GARIN3: variants seen among roughly 807,000 people sequenced by gnomAD.
GARIN3 encodes Golgi-associated RAB2 interactor protein 3.
At chr5:157,162,587 T>C in the GARIN3 span, 1 of 1,614,204 alleles carries the variant, frequency 6.2e-7, no homozygotes, top group Non-Finnish European at 8.5e-7. Flanking sequence ...TTAGCCACGA[T>C]ATCTACCTCT....
At chr5:157,162,200 G>T in the GARIN3 span, 1 of 557,818 alleles carries the variant, frequency 1.8e-6, no homozygotes, top group Non-Finnish European at 3.1e-6. Context: ...TGGCTCTGCT[G>T]GCCGTGGGCG....
chr5:157,162,527 C>T, the GARIN3 span: 1 of 1,614,142 alleles, frequency 6.2e-7, no homozygotes, highest in Non-Finnish European at 8.5e-7. Context: ...AGCTCCTGGC[C>T]ACCCTGGGCT....
chr5:157,163,121 T>C, the GARIN3 span: 1 of 1,614,206 alleles, frequency 6.2e-7, no homozygotes, highest in Non-Finnish European at 8.5e-7. Context: ...CACTTGCTGG[T>C]CGTAATACTG....
chr5:157,162,739 G>C, the GARIN3 span: 1 of 1,614,144 alleles, frequency 6.2e-7, no homozygotes, highest in Non-Finnish European at 8.5e-7. Flanking sequence ...AGTTGTTCTC[G>C]ACTCCTTTTT....
the GARIN3 span, chr5:157,166,237 T>C: frequency 6.5e-7 from 1 of 1,548,202 alleles, no homozygotes; most frequent in Non-Finnish European, 8.7e-7. Context: ...GGAGAGAAGG[T>C]AACTGCCCAT....
chr5:157,163,478 C>T, the GARIN3 span: 1 of 1,614,234 alleles, frequency 6.2e-7, no homozygotes, highest in Non-Finnish European at 8.5e-7. Context: ...GCTGTCCTTG[C>T]TGCTCCTCCT....
chr5:157,166,144 A>G, the GARIN3 span: 2 of 1,611,982 alleles, frequency 1.2e-6, no homozygotes, highest in South Asian at 2.2e-5. Flanking sequence ...GCTGTGTAAT[A>G]AGGTAAACAA....
chr5:157,163,567 C>T, the GARIN3 span: 3 of 1,614,160 alleles, frequency 1.9e-6, no homozygotes, highest in Admixed American at 5.0e-5. Context: ...TCCCTCTCCC[C>T]CAGCATAAGC....
chr5:157,164,456 C>G, the GARIN3 span, among the ~76,000 whole-genome samples: 1 of 152,162 alleles, frequency 6.6e-6, no homozygotes, highest in African/African-American at 2.4e-5. Context: ...CCGGCCTAAG[C>G]CTAAGTCTTG....
chr5:157,162,571 A>C, the GARIN3 span: 1 of 1,614,044 alleles, frequency 6.2e-7, no homozygotes, highest in Non-Finnish European at 8.5e-7. Flanking sequence ...TTGCTTCTCC[A>C]CCATCTTAGC....
chr5:157,165,770 G>A, the GARIN3 span: 58 of 1,614,026 alleles, frequency 3.6e-5, no homozygotes, highest in African/African-American at 4.8e-4. Flanking sequence ...TCTCATGATC[G>A]TGGATGGAGA....
the GARIN3 span, chr5:157,163,400 T>C: frequency 6.2e-7 from 1 of 1,614,190 alleles, no homozygotes; most frequent in South Asian, 1.1e-5. Context: ...GCAGGACTCA[T>C]TGCTGCCCCT....
At chr5:157,163,163 G>A in the GARIN3 span, 1 of 1,614,146 alleles carries the variant, frequency 6.2e-7, no homozygotes, top group Non-Finnish European at 8.5e-7. Context: ...CTGCTGTCTT[G>A]GGAGAGACTG....
At chr5:157,165,802 G>A in the GARIN3 span, 6 of 1,614,046 alleles carry the variant, frequency 3.7e-6, no homozygotes, top group Non-Finnish European at 5.1e-6. Context: ...TTCAAGGGAA[G>A]CAGTCTCGTG....
the GARIN3 span, chr5:157,165,809 C>T: frequency 9.9e-6 from 16 of 1,614,046 alleles, no homozygotes; most frequent in East Asian, 4.5e-5. Context: ...GAAGCAGTCT[C>T]GTGAGCTCTA....
chr5:157,165,292 C>G, the GARIN3 span, among the ~76,000 whole-genome samples: 1 of 152,180 alleles, frequency 6.6e-6, no homozygotes, highest in Non-Finnish European at 1.5e-5. Flanking sequence ...GACTGACGAT[C>G]AGGATGGTGT....
the GARIN3 span, chr5:157,165,987 A>G: frequency 4.3e-6 from 7 of 1,613,994 alleles, no homozygotes; most frequent in East Asian, 4.5e-5. Context: ...GTGTACATCA[A>G]TCACCTCTCC....
At chr5:157,164,447 C>A in the GARIN3 span, among the ~76,000 whole-genome samples, 5 of 152,152 alleles carry the variant, frequency 3.3e-5, no homozygotes, top group African/African-American at 1.2e-4. Context: ...CCACCGCACC[C>A]GGCCTAAGCC....
At chr5:157,165,269 G>C in the GARIN3 span, among the ~76,000 whole-genome samples, 1 of 152,186 alleles carries the variant, frequency 6.6e-6, no homozygotes, top group Non-Finnish European at 1.5e-5. Context: ...GGGGTATTAA[G>C]TGTTCAAGAA....
Sources: allele counts gnomAD v4.1 joint callset (sites outside exome capture counted in the v4.1 genomes callset), GRCh38; gene constraint gnomAD v4.1.1; transcripts MANE v1.5; gene names NCBI Gene and HGNC (gene_info 2026-07-23, HGNC 2026-07-21).